Variants in NAALADL2 observed in about 807,000 individuals in gnomAD.
The protein encoded by NAALADL2 is inactive N-acetylated-alpha-linked acidic dipeptidase-like protein 2.
Under a neutral mutation model 87.2 loss-of-function variants are expected in NAALADL2, and 76 were observed. That is an observed-to-expected ratio of 0.87 (90% CI 0.72 to 1.05). The LOEUF is 1.05. NAALADL2 is among the 50% of genes least tolerant of loss of function. The pLI is 0.00. For missense variants in NAALADL2, 1,089 were observed against 945.8 expected (o/e 1.15, Z -1.99); for synonymous variants, 354 against 331.0 (o/e 1.07, Z -0.75).
intron 3 of NAALADL2, among the ~76,000 whole-genome samples, chr3:174,780,327 G>C (rs1715790755): frequency 6.6e-6 from 1 of 152,166 alleles, no homozygotes; most frequent in African/African-American, 2.4e-5. Context: ...TTGGCACATT[G>C]ATTTTGTATC....
At chr3:174,807,869 T>TTG (rs374956917) in intron 3 of NAALADL2, among the ~76,000 whole-genome samples, 2,748 of 149,950 alleles carry the variant, frequency 0.018, 28 homozygotes, top group Admixed American at 0.034. Context: ...ATTATTTTCA[T>TTG]TGTGTGTGTG....
intron 3 of NAALADL2, among the ~76,000 whole-genome samples, chr3:174,760,084 G>A (rs1269433500): frequency 4.6e-5 from 7 of 152,142 alleles, no homozygotes; most frequent in Non-Finnish European, 1.0e-4. Context: ...CTCCTGTAAA[G>A]TAGATAGAGC....
At chr3:174,697,582 T>C (rs940209764) in intron 2 of NAALADL2, among the ~76,000 whole-genome samples, 3 of 152,098 alleles carry the variant, frequency 2.0e-5, no homozygotes, top group Non-Finnish European at 4.4e-5. Flanking sequence ...ATGATTGATA[T>C]AGAAGGGAAA....
chr3:174,545,185 C>A (rs561613698), intron 1 of NAALADL2, among the ~76,000 whole-genome samples: 1 of 152,290 alleles, frequency 6.6e-6, no homozygotes, highest in East Asian at 1.9e-4. Context: ...GCCTCAATAA[C>A]CTTTTTAAAT....
intron 1 of NAALADL2, among the ~76,000 whole-genome samples, chr3:175,062,910 T>C (rs1377024189): frequency 6.6e-6 from 1 of 152,136 alleles, no homozygotes; most frequent in African/African-American, 2.4e-5. Flanking sequence ...AAACTCCCCT[T>C]CCTATTTCAC....
At chr3:175,386,245 G>T (rs1768365300) in intron 5 of NAALADL2, among the ~76,000 whole-genome samples, 1 of 150,530 alleles carries the variant, frequency 6.6e-6, no homozygotes, top group African/African-American at 2.4e-5. Flanking sequence ...TTATTCTGTA[G>T]GCCCCCCTCC....
chr3:174,805,532 T>C (rs1719367603), intron 3 of NAALADL2, among the ~76,000 whole-genome samples: 1 of 152,282 alleles, frequency 6.6e-6, no homozygotes, highest in Middle Eastern at 3.4e-3. Context: ...AAATCTTTTC[T>C]TGTTTCAGTA....
chr3:175,140,544 A>G (rs1220592660), intron 2 of NAALADL2, among the ~76,000 whole-genome samples: 2 of 152,178 alleles, frequency 1.3e-5, no homozygotes, highest in East Asian at 3.9e-4. Context: ...ATAATTTGGG[A>G]TTAACTAAGC....
intron 2 of NAALADL2, among the ~76,000 whole-genome samples, chr3:175,229,671 T>G (rs2109430827): frequency 6.6e-6 from 1 of 152,066 alleles, no homozygotes; most frequent in South Asian, 2.1e-4. Context: ...ACCCCAACAC[T>G]TAATACTATC....
At chr3:174,953,297 T>TCCTCTCCCCCCCCCCCCCCC (rs1740651836) in intron 1 of NAALADL2, among the ~76,000 whole-genome samples, 14 of 59,316 alleles carry the variant, frequency 2.4e-4, no homozygotes, top group Non-Finnish European at 2.9e-4. Flanking sequence ...CTTTCTTGCC[T>TCCTCTCCCCCCCCCCCCCCC]CCCCTCCCCT....
At chr3:174,880,011 T>C (rs73043530) in intron 1 of NAALADL2, among the ~76,000 whole-genome samples, 10,277 of 152,084 alleles carry the variant, frequency 0.068, 1,152 homozygotes, top group African/African-American at 0.23. Context: ...CACTCCTTGT[T>C]AATCTCCTTT....
intron 3 of NAALADL2, among the ~76,000 whole-genome samples, chr3:174,786,310 G>C (rs1304130446): frequency 1.3e-5 from 2 of 151,784 alleles, no homozygotes; most frequent in Non-Finnish European, 2.9e-5. Flanking sequence ...AATTAGCCGG[G>C]TGTGGTGGCA....
intron 11 of NAALADL2, among the ~76,000 whole-genome samples, chr3:175,697,318 A>C (rs1737941474): frequency 6.6e-6 from 1 of 151,628 alleles, no homozygotes; most frequent in African/African-American, 2.4e-5. Flanking sequence ...TTTTCACACA[A>C]TGTGTCTTTT....
At chr3:175,312,138 C>A (rs1474572105) in intron 4 of NAALADL2, among the ~76,000 whole-genome samples, 1 of 151,928 alleles carries the variant, frequency 6.6e-6, no homozygotes, top group Non-Finnish European at 1.5e-5. Context: ...AAGTAAGGGG[C>A]CAGATGGCAA....
intron 11 of NAALADL2, among the ~76,000 whole-genome samples, chr3:175,699,893 T>C (rs188856019): frequency 8.7e-4 from 133 of 152,262 alleles, no homozygotes; most frequent in African/African-American, 3.1e-3. Flanking sequence ...ATACTTGTAA[T>C]GTCAGAGGAC....
chr3:175,571,083 T>C (rs561203733), intron 9 of NAALADL2, among the ~76,000 whole-genome samples: 1 of 152,320 alleles, frequency 6.6e-6, no homozygotes, highest in Admixed American at 6.5e-5. Context: ...ATTTTAAAAA[T>C]ACTTTTAGAA....
At chr3:175,150,296 C>T (rs946880626) in intron 2 of NAALADL2, among the ~76,000 whole-genome samples, 17 of 152,152 alleles carry the variant, frequency 1.1e-4, no homozygotes, top group Non-Finnish European at 1.5e-4. Flanking sequence ...AGCAGTACCT[C>T]TCTTGGTTTC....
rs576587080 is a variant in NAALADL2, at chr3:175,559,474, A to G, written c.1654-16567A>G. ...TGCTTTAGCTAGGACTTCCAGTACTATGTTGAAAAACAATGCTGAACATAG... is the reference window on the plus strand; with the variant it reads ...TGCTTTAGCTAGGACTTCCAGTACTGTGTTGAAAAACAATGCTGAACATAG... On this transcript the variant is annotated intron_variant, in intron 9 of 13. Transcript: ENST00000454872. Among the ~76,000 whole-genome samples, 132 of 152,098 alleles carry G rather than the reference A, an allele frequency of 8.7e-4. 1 individual carries two copies. Among genetic ancestry groups the G allele is most frequent in the African/African-American group, 2.9e-3 (122 of 41,514 alleles).
At chr3:175,783,522 A>G (rs1751455587) in intron 13 of NAALADL2, among the ~76,000 whole-genome samples, 1 of 151,678 alleles carries the variant, frequency 6.6e-6, no homozygotes, top group African/African-American at 2.4e-5. Context: ...TTGGTGTATA[A>G]GAATGCTTGT....
Sources: gnomAD v4.1 joint callset for allele counts (sites outside exome capture counted in the v4.1 genomes callset) on GRCh38, gnomAD v4.1.1 for gene constraint, MANE v1.5 for transcripts, NCBI Gene and HGNC (gene_info 2026-07-23, HGNC 2026-07-21) for gene names.